The following PTH2R variants were observed in gnomAD, a reference collection of about 807,000 sequenced individuals.
PTH2R encodes parathyroid hormone 2 receptor.
A neutral mutation model predicts 60.3 loss-of-function variants in PTH2R; 59 were observed. The ratio of observed to expected loss-of-function variants is 0.98; its 90% CI spans 0.79 to 1.22. PTH2R has a LOEUF of 1.22. PTH2R is among the 50% of genes most tolerant of loss of function. The pLI, the probability that PTH2R is intolerant of heterozygous loss-of-function variation, is 0.00. For synonymous variants in PTH2R, 256 were observed against 243.8 expected (o/e 1.05, Z -0.47); for missense variants, 749 against 682.6 (o/e 1.10, Z -1.08).
Position 208,443,476 on chromosome 2 carries a change from T to TA in PTH2R, c.640dup (p.Ile214AsnfsTer5). On this transcript the variant is annotated frameshift_variant, in exon 6 of 13. Transcript: ENST00000272847. LOFTEE classifies it high-confidence loss of function. ...ATAGGAGTAAAGGAGCTGGAGTCCC[T>TA]AATAATGCAGGATGACCCACAAAAT... The TA allele has an allele frequency of 6.2e-7, 1 of 1,613,584 alleles. No individual in the cohort carries two copies. The highest frequency in any genetic ancestry group is 8.5e-7 in the Non-Finnish European group (1 of 1,179,832).
chr2:208,364,042 G>A (rs1700532116), intron 1 of PTH2R, among the ~76,000 whole-genome samples: 1 of 151,962 alleles, frequency 6.6e-6, no homozygotes, highest in South Asian at 2.1e-4. Flanking sequence ...TTTTGTTTTT[G>A]TTGCTTTGTC....
rs55835317 is a variant in PTH2R at position 208,429,084 on chromosome 2, CAAA to C, written c.178+797_178+799del. 4.7e-3 allele frequency among the ~76,000 whole-genome samples: 587 copies of C among 126,032 alleles called. 10 individuals carry two copies. Among genetic ancestry groups the C allele is most frequent in the African/African-American group, 0.014 (487 of 34,324 alleles). The allele number at this position is 126,032 out of a possible 152,430, so 82.7% of individuals were successfully genotyped here. A position where few individuals can be genotyped will look rare whatever the true frequency, so the allele number is the denominator to read the frequency against. Reference sequence around the variant, plus strand: ...TGGGTGACAGAGCGACTCTCTGTCTCAAAAAAAAAAAAAAAAAAGTGTTGAGAC... The same window carrying C: ...TGGGTGACAGAGCGACTCTCTGTCTCAAAAAAAAAAAAAAAGTGTTGAGAC... On this transcript the variant is annotated intron_variant, in intron 2 of 12. Transcript: ENST00000272847.
chr2:208,475,203 C>CT (rs1220188219), intron 9 of PTH2R, among the ~76,000 whole-genome samples: 8 of 152,072 alleles, frequency 5.3e-5, no homozygotes, highest in Middle Eastern at 3.4e-3. Context: ...ACAAGGAGAA[C>CT]TTTTTTTTAA....
At position 208,489,058 on chromosome 2, in the gene PTH2R, C is replaced by A; in HGVS notation, c.1123C>A (p.His375Asn). Residue 375 changes from histidine (H) to asparagine (N), a missense_variant, in exon 11 of 13, where the codon CAT becomes AAT. Transcript: ENST00000272847. ...TLVLVLVFGV[H>N]YIVFVCLPHS... The stretch of plus-strand genomic sequence containing the variant: ...GGTCCTGGTCCTAGTCTTTGGAGTG[C>A]ATTACATCGTGTTCGTATGCCTGCC... The A allele has an allele frequency of 6.2e-7, 1 of 1,614,090 alleles. No homozygotes were observed. Among genetic ancestry groups the A allele is most frequent in the South Asian group, 1.1e-5 (1 of 91,062 alleles).
chr2:208,490,592 G>A, intron 11 of PTH2R, 47 bp from the exon 12 acceptor site: 1 of 1,584,854 alleles, frequency 6.3e-7, no homozygotes. Flanking sequence ...CTTAAGTGCT[G>A]TGAGTTTCTG....
chr2:208,463,283 C>T (rs913939510), intron 9 of PTH2R, among the ~76,000 whole-genome samples: 7 of 152,096 alleles, frequency 4.6e-5, no homozygotes, highest in East Asian at 3.9e-4. Context: ...AGGGCCTTTG[C>T]CTGTGCTGTT....
chr2:208,475,252 T>C (rs1416193274), intron 9 of PTH2R, among the ~76,000 whole-genome samples: 1 of 152,198 alleles, frequency 6.6e-6, no homozygotes, highest in East Asian at 1.9e-4. Flanking sequence ...AAAATGTAAA[T>C]GTATAACTAA....
intron 1 of PTH2R, 87 bp downstream of exon 1, chr2:208,407,205 A>C (rs895344972): frequency 8.3e-7 from 1 of 1,199,054 alleles, no homozygotes; most frequent in Non-Finnish European, 1.1e-6. Flanking sequence ...GGTGCGCGCG[A>C]GAGCTCATTC....
At chr2:208,421,832 G>A (rs1448857738) in intron 1 of PTH2R, among the ~76,000 whole-genome samples, 4 of 152,202 alleles carry the variant, frequency 2.6e-5, no homozygotes, top group Non-Finnish European at 5.9e-5. Flanking sequence ...TGGAGTATAT[G>A]AGAAACCCTG....
At chr2:208,452,147 T>C (rs1252598794) in intron 8 of PTH2R, among the ~76,000 whole-genome samples, 2 of 152,132 alleles carry the variant, frequency 1.3e-5, no homozygotes, top group East Asian at 3.9e-4. Context: ...CAGGTACAGG[T>C]GTCTTATAGG....
intron 1 of PTH2R, among the ~76,000 whole-genome samples, chr2:208,425,526 C>T (rs1239647595): frequency 6.6e-6 from 1 of 152,212 alleles, no homozygotes. Flanking sequence ...TGCAGAACTG[C>T]CTTTGAGCTG....
Position 208,493,662 on chromosome 2 carries a change from G to C in PTH2R, c.*3G>C. 6.5e-7 allele frequency: 1 copy of C among 1,534,900 alleles called. No homozygotes were observed. The highest frequency in any genetic ancestry group is 8.8e-7 in the Non-Finnish European group (1 of 1,137,128). ...GAGAAACTGAGGATGTTCTCTGAATGGACATTTGTGGCTGACTTTCATGGG... is the reference window on the plus strand; with the variant it reads ...GAGAAACTGAGGATGTTCTCTGAATCGACATTTGTGGCTGACTTTCATGGG... On this transcript the variant is annotated 3_prime_UTR_variant, in exon 13 of 13. Transcript: ENST00000272847.
intron 1 of PTH2R, among the ~76,000 whole-genome samples, chr2:208,367,576 G>T (rs1574809546): frequency 6.6e-6 from 1 of 151,716 alleles, no homozygotes; most frequent in African/African-American, 2.4e-5. Flanking sequence ...CACCATATTG[G>T]CCAGGCTGAT....
intron 1 of PTH2R, among the ~76,000 whole-genome samples, chr2:208,422,401 CA>C (rs1377752007): frequency 6.6e-6 from 1 of 152,066 alleles, no homozygotes; most frequent in Non-Finnish European, 1.5e-5. Context: ...GAGGGGAATT[CA>C]TTTTTAAAAA....
intron 1 of PTH2R, among the ~76,000 whole-genome samples, chr2:208,375,721 A>G (rs956673156): frequency 4.6e-5 from 7 of 152,228 alleles, no homozygotes; most frequent in Admixed American, 3.9e-4. Flanking sequence ...GATGATGCCT[A>G]TGAATCTAAT....
chr2:208,403,323 T>G (rs1701343853), upstream of PTH2R, among the ~76,000 whole-genome samples: 1 of 152,194 alleles, frequency 6.6e-6, no homozygotes, highest in Admixed American at 6.5e-5. Context: ...TAAATGATTT[T>G]TTCACATACT....
At chr2:208,464,723 A>G (rs955254243) in intron 9 of PTH2R, among the ~76,000 whole-genome samples, 2 of 152,156 alleles carry the variant, frequency 1.3e-5, no homozygotes, top group African/African-American at 4.8e-5. Context: ...CATCTATAAA[A>G]TGGGAATAGA....
At chr2:208,451,173 ACT>A (rs146774540) in intron 8 of PTH2R, among the ~76,000 whole-genome samples, 246 of 147,704 alleles carry the variant, frequency 1.7e-3, no homozygotes, top group Admixed American at 2.1e-3. Flanking sequence ...CAGTGTTCAT[ACT>A]CTCTCTCTCT....
At chr2:208,474,165 T>C (rs1039514347) in intron 9 of PTH2R, among the ~76,000 whole-genome samples, 5 of 152,216 alleles carry the variant, frequency 3.3e-5, no homozygotes, top group Admixed American at 2.0e-4. Context: ...AAAAAGGAAA[T>C]TGGATATTGT....
Sources: gnomAD v4.1 joint callset for allele counts (sites outside exome capture counted in the v4.1 genomes callset) on GRCh38, gnomAD v4.1.1 for gene constraint, MANE v1.5 for transcripts, NCBI Gene and HGNC (gene_info 2026-07-23, HGNC 2026-07-21) for gene names.